Variants in RANBP17 observed in about 807,000 individuals in gnomAD.
The protein encoded by RANBP17 is RAN binding protein 17.
Under a neutral mutation model 141.2 loss-of-function variants are expected in RANBP17, and 158 were observed. The observed-to-expected ratio is 1.12, with a 90% CI of 0.98 to 1.28. The LOEUF (loss-of-function observed/expected upper bound fraction) is 1.28, where lower values mean the gene tolerates loss of function less well. RANBP17 is among the 50% of genes most tolerant of loss of function. RANBP17 has a pLI of 0.00. For synonymous variants in RANBP17, 430 were observed against 450.0 expected (o/e 0.96, Z 0.56); for missense variants, 1,438 against 1,290.7 (o/e 1.11, Z -1.75).
At chr5:170,927,316 T>C (rs11741580) in intron 12 of RANBP17, among the ~76,000 whole-genome samples, 97,640 of 151,856 alleles carry the variant, frequency 0.64, 32,096 homozygotes, top group South Asian at 0.9. Flanking sequence ...ATGTGCAGAA[T>C]GTGCAGGTTT....
At chr5:171,270,060 G>C (rs1766994524) in intron 25 of RANBP17, among the ~76,000 whole-genome samples, 1 of 152,096 alleles carries the variant, frequency 6.6e-6, no homozygotes. Flanking sequence ...ATCTCCTCAA[G>C]CTTCCGTAGT....
intron 25 of RANBP17, among the ~76,000 whole-genome samples, chr5:171,281,701 G>A (rs1323962728): frequency 1.3e-5 from 2 of 152,170 alleles, no homozygotes; most frequent in Non-Finnish European, 2.9e-5. Context: ...CACACTGTAG[G>A]TCCTCAATAA....
chr5:170,877,986 G>A (rs1042747490), intron 1 of RANBP17, 111 bp from the exon 2 acceptor site: 44 of 683,260 alleles, frequency 6.4e-5, no homozygotes, highest in Admixed American at 1.8e-4. Flanking sequence ...CGATAAACAT[G>A]TATTGAATTA....
chr5:171,021,500 TTG>T (rs1462965129), intron 14 of RANBP17, among the ~76,000 whole-genome samples: 1 of 152,218 alleles, frequency 6.6e-6, no homozygotes, highest in Non-Finnish European at 1.5e-5. Flanking sequence ...ACTCTTGTCT[TTG>T]TGACTTATTT....
At chr5:170,948,321 A>G (rs911980549) in intron 12 of RANBP17, among the ~76,000 whole-genome samples, 5 of 152,186 alleles carry the variant, frequency 3.3e-5, no homozygotes, top group Non-Finnish European at 7.4e-5. Flanking sequence ...TATAAGAGAG[A>G]GTGAAAAAAT....
At chr5:171,274,999 T>C (rs1038024757) in intron 25 of RANBP17, among the ~76,000 whole-genome samples, 3 of 152,180 alleles carry the variant, frequency 2.0e-5, no homozygotes, top group East Asian at 1.9e-4. Flanking sequence ...CTAGGACATG[T>C]GTTTTTCTAC....
intron 18 of RANBP17, among the ~76,000 whole-genome samples, chr5:171,184,434 A>G (rs1253448246): frequency 6.6e-6 from 1 of 152,192 alleles, no homozygotes; most frequent in Non-Finnish European, 1.5e-5. Flanking sequence ...AAAAAAGTTG[A>G]TCTCATAGAA....
At chr5:170,946,675 A>G (rs1324184019) in intron 12 of RANBP17, among the ~76,000 whole-genome samples, 1 of 152,044 alleles carries the variant, frequency 6.6e-6, no homozygotes, top group African/African-American at 2.4e-5. Flanking sequence ...TTCAGTATAT[A>G]TTGTCGATTT....
At chr5:171,032,333 T>C (rs1781596866) in intron 14 of RANBP17, among the ~76,000 whole-genome samples, 1 of 152,136 alleles carries the variant, frequency 6.6e-6, no homozygotes, top group Non-Finnish European at 1.5e-5. Context: ...TTTATGATCA[T>C]CTTCACATTT....
chr5:170,983,255 GT>G, intron 14 of RANBP17: 1 of 273,308 alleles, frequency 3.7e-6, no homozygotes, highest in Non-Finnish European at 7.0e-6. Context: ...GGTCATAGGT[GT>G]TTTGTTTTGT....
intron 14 of RANBP17, among the ~76,000 whole-genome samples, chr5:171,043,005 AAG>A (rs2127638258): frequency 6.6e-6 from 1 of 152,288 alleles, no homozygotes; most frequent in African/African-American, 2.4e-5. Flanking sequence ...CTTCAGAAAA[AAG>A]AGATATAGCT....
intron 27 of RANBP17, among the ~76,000 whole-genome samples, chr5:171,298,433 C>CT (rs957195606): frequency 1.4e-4 from 22 of 151,892 alleles, no homozygotes; most frequent in Non-Finnish European, 2.1e-4. Flanking sequence ...AACTTTTGTT[C>CT]TTTTTTTTAT....
At chr5:170,949,515 A>G (rs1775034484) in intron 12 of RANBP17, among the ~76,000 whole-genome samples, 1 of 152,210 alleles carries the variant, frequency 6.6e-6, no homozygotes, top group African/African-American at 2.4e-5. Context: ...GCGTATCAAA[A>G]TTATAATGAA....
At chr5:170,906,006 A>G (rs935910325) in intron 5 of RANBP17, among the ~76,000 whole-genome samples, 1 of 152,098 alleles carries the variant, frequency 6.6e-6, no homozygotes, top group Non-Finnish European at 1.5e-5. Context: ...TTGTAAGTAC[A>G]GTAAAGAGAA....
chr5:170,985,063 A>G lies in RANBP17; in HGVS notation c.1710+16686A>G, dbSNP rs1413521262. 4.0e-5 allele frequency among the ~76,000 whole-genome samples: 6 copies of G among 151,546 alleles called. No homozygotes were observed. The South Asian group carries it at 8.3e-4, about 21-fold the overall frequency. ...CAGGCACACACAGACACACACAGAC[A>G]CATATACACACACAGGCACACACAC... is the stretch of plus-strand genomic sequence containing the variant. On this transcript the variant is annotated intron_variant, in intron 14 of 27. Transcript: ENST00000523189.
intron 14 of RANBP17, among the ~76,000 whole-genome samples, chr5:171,005,787 T>C (rs1331706127): frequency 6.6e-6 from 1 of 152,074 alleles, no homozygotes; most frequent in Admixed American, 6.5e-5. Context: ...CAAAAGAAAC[T>C]ACCATCAGAG....
At chr5:171,009,825 A>T (rs1779906203) in intron 14 of RANBP17, among the ~76,000 whole-genome samples, 1 of 152,208 alleles carries the variant, frequency 6.6e-6, no homozygotes, top group South Asian at 2.1e-4. Context: ...AAGAAAAAGA[A>T]ACACTGTTTG....
Position 170,935,053 on chromosome 5 carries a change from A to G in RANBP17, c.1468+10503A>G, listed in dbSNP as rs370478485. Among the ~76,000 whole-genome samples the G allele has an allele frequency of 4.2e-4, 64 of 152,214 alleles. 1 individual carries two copies. In the South Asian group the frequency reaches 0.013, roughly 30 times the overall value. ...CTTCTCTTCTAACTTCATTTCATTC[A>G]TTTGATATTCAATCACTGATATCCT... On this transcript the variant is annotated intron_variant, in intron 12 of 27. Coordinates refer to ENST00000523189, the MANE Select transcript of RANBP17 (RefSeq NM_022897.5).
chr5:171,009,386 TA>T (rs1169822300), intron 14 of RANBP17, among the ~76,000 whole-genome samples: 1 of 152,208 alleles, frequency 6.6e-6, no homozygotes, highest in East Asian at 1.9e-4. Flanking sequence ...GCTTATAATC[TA>T]AATCTTAGAT....
Sources: gnomAD v4.1 joint callset for allele counts (sites outside exome capture counted in the v4.1 genomes callset) on GRCh38, gnomAD v4.1.1 for gene constraint, MANE v1.5 for transcripts, NCBI Gene and HGNC (gene_info 2026-07-23, HGNC 2026-07-21) for gene names.